Variants in AP3B1 observed in about 807,000 individuals in gnomAD.
The protein encoded by AP3B1 is AP-3 complex subunit beta-1.
In AP3B1, 61 loss-of-function variants were observed where a neutral mutation model predicts 132.5. The observed-to-expected ratio is 0.46, with a 90% CI of 0.37 to 0.57. AP3B1 has a LOEUF of 0.57. AP3B1 is among the 20% of genes least tolerant of loss of function. AP3B1 has a pLI of 0.00. For missense variants in AP3B1, 1,120 were observed against 1,289.4 expected (o/e 0.87, Z 2.01); for synonymous variants, 388 against 438.3 (o/e 0.89, Z 1.43).
chr5:78,008,237 C>G (rs1272614076), intron 26 of AP3B1, among the ~76,000 whole-genome samples: 1 of 152,156 alleles, frequency 6.6e-6, no homozygotes, highest in Admixed American at 6.5e-5. Flanking sequence ...ATTCTTACCC[C>G]ATTCTCTTTG....
chr5:78,171,950 G>C (rs942241829), intron 11 of AP3B1, among the ~76,000 whole-genome samples: 2 of 152,128 alleles, frequency 1.3e-5, no homozygotes, highest in African/African-American at 2.4e-5. Flanking sequence ...TAGCATGAAG[G>C]GCTGTTGAAT....
At chr5:78,063,766 T>C (rs559576555) in intron 22 of AP3B1, among the ~76,000 whole-genome samples, 1 of 152,312 alleles carries the variant, frequency 6.6e-6, no homozygotes, top group South Asian at 2.1e-4. Flanking sequence ...AGTAGTTTTC[T>C]AGCAATCTAC....
At chr5:78,146,494 T>C (rs192025297) in intron 14 of AP3B1, among the ~76,000 whole-genome samples, 2 of 152,340 alleles carry the variant, frequency 1.3e-5, no homozygotes, top group East Asian at 1.9e-4. Flanking sequence ...TAATTTCTTT[T>C]ATTATCATAT....
At chr5:78,259,588 T>C (rs1253211181) in intron 2 of AP3B1, among the ~76,000 whole-genome samples, 1 of 152,332 alleles carries the variant, frequency 6.6e-6, no homozygotes, top group Non-Finnish European at 1.5e-5. Flanking sequence ...CCCCATGATG[T>C]GCTTATTTCA....
At chr5:78,011,041 CTTTTTTTT>C (rs11301750) in intron 26 of AP3B1, among the ~76,000 whole-genome samples, 32 of 129,374 alleles carry the variant, frequency 2.5e-4, no homozygotes, top group Non-Finnish European at 4.0e-4. Flanking sequence ...CTGTATCTCT[CTTTTTTTT>C]TTTTTTTTTT....
intron 6 of AP3B1, among the ~76,000 whole-genome samples, chr5:78,221,798 T>C (rs1746187546): frequency 6.6e-6 from 1 of 151,996 alleles, no homozygotes; most frequent in African/African-American, 2.4e-5. Flanking sequence ...TTGCCAGAGA[T>C]AATAAAAATT....
At chr5:78,021,051 C>A (rs1028629462) in intron 24 of AP3B1, among the ~76,000 whole-genome samples, 1 of 151,796 alleles carries the variant, frequency 6.6e-6, no homozygotes, top group Non-Finnish European at 1.5e-5. Flanking sequence ...TGAAAAAGAA[C>A]TTTAAAAAAT....
intron 22 of AP3B1, among the ~76,000 whole-genome samples, chr5:78,077,270 A>C (rs1749804901): frequency 6.6e-6 from 1 of 152,168 alleles, no homozygotes; most frequent in Non-Finnish European, 1.5e-5. Flanking sequence ...ATCCACAAGG[A>C]TCAAATCTGT....
At position 78,072,695 on chromosome 5, in the gene AP3B1, A is replaced by T. The variant is rs529757595; in HGVS notation, c.2577+16698T>A. Among the ~76,000 whole-genome samples, 186 of 149,358 alleles carry T rather than the reference A, an allele frequency of 1.2e-3. 1 individual carries two copies. The highest frequency in any genetic ancestry group is 4.2e-3 in the African/African-American group (172 of 40,708). ...ATATTCCCTGAATGATTTGAGTAACAATGTGTCTGATATATTCTTTTTTTT... is the reference window on the plus strand; with the variant it reads ...ATATTCCCTGAATGATTTGAGTAACTATGTGTCTGATATATTCTTTTTTTT... On this transcript the variant is annotated intron_variant, in intron 22 of 26. Coordinates refer to ENST00000255194, the MANE Select transcript of AP3B1 (RefSeq NM_003664.5).
At chr5:78,083,319 TA>T (rs1159565225) in intron 22 of AP3B1, among the ~76,000 whole-genome samples, 1 of 152,260 alleles carries the variant, frequency 6.6e-6, no homozygotes, top group Non-Finnish European at 1.5e-5. Flanking sequence ...TTAACTGTTT[TA>T]TTCACTTAAA....
At chr5:78,151,478 T>C (rs1285769590) in intron 14 of AP3B1, among the ~76,000 whole-genome samples, 1 of 152,160 alleles carries the variant, frequency 6.6e-6, no homozygotes, top group African/African-American at 2.4e-5. Flanking sequence ...TTCAGTATGA[T>C]ACTAACTGTG....
intron 2 of AP3B1, among the ~76,000 whole-genome samples, chr5:78,266,277 T>G (rs1444098133): frequency 6.6e-6 from 1 of 152,170 alleles, no homozygotes; most frequent in Non-Finnish European, 1.5e-5. Flanking sequence ...AAGCAAGAAC[T>G]GCCTGCCCAT....
intron 2 of AP3B1, among the ~76,000 whole-genome samples, chr5:78,263,688 A>G (rs1464512310): frequency 6.6e-6 from 1 of 152,178 alleles, no homozygotes; most frequent in African/African-American, 2.4e-5. Flanking sequence ...TAGTTTGTTG[A>G]GTACTTTTAT....
chr5:78,048,527 G>A (rs1192264119), intron 22 of AP3B1, among the ~76,000 whole-genome samples: 1 of 152,046 alleles, frequency 6.6e-6, no homozygotes, highest in African/African-American at 2.4e-5. Context: ...TTTTGGATTT[G>A]GTACCTAGTA....
At chr5:78,068,433 T>A (rs1344095886) in intron 22 of AP3B1, among the ~76,000 whole-genome samples, 1 of 151,950 alleles carries the variant, frequency 6.6e-6, no homozygotes, top group African/African-American at 2.4e-5. Context: ...TAATAAAAAA[T>A]AATGAAGGGG....
At chr5:78,267,447 A>T (rs1410557484) in intron 2 of AP3B1, 73 bp downstream of exon 2, 8 of 534,356 alleles carry the variant, frequency 1.5e-5, no homozygotes, top group East Asian at 4.1e-5. Context: ...ACGTATTTTT[A>T]TATATATATA....
At chr5:78,210,838 T>A (rs1256366433) in intron 7 of AP3B1, among the ~76,000 whole-genome samples, 9 of 152,130 alleles carry the variant, frequency 5.9e-5, no homozygotes. Flanking sequence ...ATAATATTTA[T>A]TTTTTTAAAT....
chr5:78,084,619 G>A (rs181247744), intron 22 of AP3B1, among the ~76,000 whole-genome samples: 9 of 150,904 alleles, frequency 6.0e-5, no homozygotes, highest in East Asian at 3.9e-4. Context: ...AGGAATCCTC[G>A]TCATTCATAT....
At chr5:78,239,325 G>A (rs980707042) in intron 3 of AP3B1, among the ~76,000 whole-genome samples, 2 of 151,010 alleles carry the variant, frequency 1.3e-5, no homozygotes, top group African/African-American at 2.4e-5. Flanking sequence ...ATGAAAATTA[G>A]CTGGACATGG....
Sources: allele counts gnomAD v4.1 joint callset (sites outside exome capture counted in the v4.1 genomes callset), GRCh38; gene constraint gnomAD v4.1.1; transcripts MANE v1.5; gene names NCBI Gene and HGNC (gene_info 2026-07-23, HGNC 2026-07-21).